BEND3: variants seen among roughly 807,000 people sequenced by gnomAD.
BEND3 encodes the protein BEN domain containing 3.
A neutral mutation model predicts 60.1 loss-of-function variants in BEND3; 13 were observed. The observed-to-expected ratio is 0.22, with a 90% CI of 0.14 to 0.34. BEND3 has a LOEUF of 0.34. BEND3 is among the 10% of genes least tolerant of loss of function. The probability of loss-of-function intolerance (pLI) is 1.00; values close to 1 mark genes in which losing one functional copy is unlikely to be tolerated. For missense variants in BEND3, 896 were observed against 1,138.1 expected, an observed-to-expected ratio of 0.79 and a Z score of 3.06; for synonymous variants, 497 against 491.5, an observed-to-expected ratio of 1.01 and a Z score of -0.15.
intron 1 of BEND3, among the ~76,000 whole-genome samples, chr6:107,102,598 G>T (rs536740465): frequency 1.3e-5 from 2 of 152,194 alleles, no homozygotes; most frequent in African/African-American, 4.8e-5. Flanking sequence ...ATAGACTAGT[G>T]ACAGATGCTA....
chr6:107,074,435 T>C (rs1775057471), intron 3 of BEND3, among the ~76,000 whole-genome samples: 1 of 152,024 alleles, frequency 6.6e-6, no homozygotes, highest in South Asian at 2.1e-4. Context: ...ACATAAAAAT[T>C]TATTATTACA....
chr6:107,096,971 C>T (rs997872690), intron 3 of BEND3, among the ~76,000 whole-genome samples: 16 of 150,966 alleles, frequency 1.1e-4, no homozygotes, highest in Non-Finnish European at 2.1e-4. Context: ...GGCGACAGAG[C>T]GAGACCCTGT....
chr6:107,093,238 A>G (rs1775512928), intron 3 of BEND3, among the ~76,000 whole-genome samples: 1 of 152,210 alleles, frequency 6.6e-6, no homozygotes, highest in Non-Finnish European at 1.5e-5. Flanking sequence ...AGGAGGGCGG[A>G]TCATGAAGCC....
rs1774906759 is a variant in BEND3 at position 107,069,339 on chromosome 6, C to T, written c.1852G>A (p.Val618Met). The T allele has an allele frequency of 6.2e-7, 1 of 1,613,384 alleles. No individual in the cohort carries two copies. The highest frequency in any genetic ancestry group is 8.5e-7 in the Non-Finnish European group (1 of 1,179,914). The part of the protein sequence containing the change: ...PSRIKLIRHY[V>M]QLLYPRAKND... Reference sequence around the variant, plus strand: ...TTGGCGCGTGGGTAGAGCAGCTGCACGTAGTGGCGGATGAGCTTGATGCGG... The same window carrying T: ...TTGGCGCGTGGGTAGAGCAGCTGCATGTAGTGGCGGATGAGCTTGATGCGG... Residue 618 changes from valine to methionine, a missense_variant, in exon 4 of 4, where the codon GTG (valine) becomes ATG (methionine). Physicochemically the swap from Val to Met is conservative, Grantham distance 21. Coordinates refer to ENST00000369042, the MANE Select transcript of BEND3 (RefSeq NM_001367314.1).
chr6:107,071,026 C>CT, intron 3 of BEND3, 76 bp from the exon 4 acceptor site: 2 of 1,365,388 alleles, frequency 1.5e-6, no homozygotes, highest in Non-Finnish European at 2.0e-6. Flanking sequence ...GTCTGTGTAG[C>CT]ACACAGAGGC....
At position 107,098,638 on chromosome 6, in the gene BEND3, C is replaced by A. The variant is rs781949644; in HGVS notation, c.153G>T (p.Leu51=). 5 of 1,614,004 alleles carry A rather than the reference C, an allele frequency of 3.1e-6. No homozygotes were observed. Among genetic ancestry groups the A allele is most frequent in the Non-Finnish European group, 4.2e-6 (5 of 1,180,032 alleles). ...GCTGCTTTCGTTTGCTGGAGTCCTG[C>A]AGGGCAGTGAGGACGCTGTCCACAG... ...KHSVDSVLTA[L]QDSSKRKQLV... Residue 51 remains leucine (L), a synonymous_variant, in exon 3 of 4, where the codon CTG becomes CTT. Coordinates refer to ENST00000369042, the MANE Select transcript of BEND3 (RefSeq NM_001367314.1).
intron 3 of BEND3, among the ~76,000 whole-genome samples, chr6:107,079,841 G>A (rs1276024739): frequency 1.3e-5 from 2 of 151,960 alleles, no homozygotes; most frequent in Admixed American, 6.6e-5. Context: ...ATAAGGTATG[G>A]AAGGCACTAT....
chr6:107,068,823 C>G lies in BEND3; in HGVS notation c.2368G>C (p.Val790Leu). ...IRHYVEAVYP[V>L]EKMEEVWHYE... The stretch of plus-strand genomic sequence containing the variant: ...TGCCACACCTCCTCCATCTTCTCCA[C>G]CGGGTAGACGGCTTCCACGTAGTGG... Residue 790 changes from valine to leucine, a missense_variant, in exon 4 of 4, where the codon GTG (valine) becomes CTG (leucine). By Grantham distance (32) the Val-to-Leu change is conservative (BLOSUM62 1). Around this residue, in one of 4 missense-constraint regions of BEND3, gnomAD observed 29 missense variants for 51.9 expected, o/e 0.56. Transcript: ENST00000369042. This position sits in a 1 kb window ranked among gnomAD's most constrained non-coding sequence, Gnocchi z 5.8. 6.2e-7 allele frequency: 1 copy of G among 1,614,144 alleles called. No individual in the cohort carries two copies. The highest frequency in any genetic ancestry group is 8.5e-7 in the Non-Finnish European group (1 of 1,180,046).
chr6:107,078,380 A>C (rs1220959212), intron 3 of BEND3, among the ~76,000 whole-genome samples: 4 of 151,678 alleles, frequency 2.6e-5, no homozygotes, highest in Admixed American at 6.6e-5. Context: ...TGCTGATTTC[A>C]TTCTGATAAA....
At chr6:107,093,613 A>G (rs1582661093) in intron 3 of BEND3, among the ~76,000 whole-genome samples, 1 of 152,252 alleles carries the variant, frequency 6.6e-6, no homozygotes, top group Non-Finnish European at 1.5e-5. Context: ...AGAACTGCAT[A>G]AAGACAGTCA....
chr6:107,095,019 T>G lies in BEND3; in HGVS notation c.240+3532A>C, dbSNP rs531871872. The stretch of plus-strand genomic sequence containing the variant: ...TGTATTTTTTGTAGAGACAAGGTTT[T>G]GCCATATTGCCCAGGCTGATCTGGA... On this transcript the variant is annotated intron_variant, in intron 3 of 3. Transcript: ENST00000369042. Among the ~76,000 whole-genome samples the G allele has an allele frequency of 2.0e-5, 3 of 151,930 alleles. No homozygotes were observed. The East Asian group carries it at 5.9e-4, about 30-fold the overall frequency.
chr6:107,113,827 C>T (rs1421126522), intron 1 of BEND3: 4 of 152,100 alleles, frequency 2.6e-5, no homozygotes, highest in Non-Finnish European at 5.9e-5. Context: ...AAGAGAAAGT[C>T]CTCCATCCCA....
At chr6:107,114,734 G>GGCGGGCGGCGGCGGCGGC (rs1324690653) in intron 1 of BEND3, among the ~76,000 whole-genome samples, 3 of 145,920 alleles carry the variant, frequency 2.1e-5, no homozygotes, top group African/African-American at 7.4e-5. Flanking sequence ...GCGCGAGTGG[G>GGCGGGCGGCGGCGGCGGC]GCGGGCGGCG....
chr6:107,084,850 G>A (rs1035897207), intron 3 of BEND3, among the ~76,000 whole-genome samples: 14 of 152,246 alleles, frequency 9.2e-5, no homozygotes, highest in African/African-American at 3.4e-4. Flanking sequence ...TCAGCGCTCT[G>A]TAAAATGGAC....
intron 3 of BEND3, among the ~76,000 whole-genome samples, chr6:107,093,556 G>A (rs945709783): frequency 8.5e-5 from 13 of 152,076 alleles, no homozygotes; most frequent in African/African-American, 3.1e-4. Flanking sequence ...GGTGGTACTG[G>A]GGCAAGAATA....
intron 3 of BEND3, among the ~76,000 whole-genome samples, chr6:107,071,199 C>T (rs1000487326): frequency 3.3e-5 from 5 of 152,204 alleles, no homozygotes; most frequent in Admixed American, 1.3e-4. Context: ...GGAGGCTTTG[C>T]GCTCTCACAG....
At chr6:107,080,214 T>C (rs1224669536) in intron 3 of BEND3, among the ~76,000 whole-genome samples, 2 of 151,750 alleles carry the variant, frequency 1.3e-5, no homozygotes, top group East Asian at 3.9e-4. Flanking sequence ...CTGGGTAACA[T>C]GGCAAACCCC....
rs1308392080 is a variant in BEND3 at position 107,066,202 on chromosome 6, T to C, written c.*2502A>G. The C allele has an allele frequency of 6.6e-6, 1 of 152,118 alleles. No individual in the cohort carries two copies. The highest frequency in any genetic ancestry group is 2.4e-5 in the African/African-American group (1 of 41,430). The allele number at this position is 152,118 out of a possible 1,614,324, so 9.4% of individuals were successfully genotyped here. On this transcript the variant is annotated 3_prime_UTR_variant, in exon 4 of 4. Coordinates refer to ENST00000369042, the MANE Select transcript of BEND3 (RefSeq NM_001367314.1). Reference sequence around the variant, plus strand: ...CAGGTTTCATGGAACACATTAAATTTTGAAAAAATAAGTATTTTGTACTTC... The same window carrying C: ...CAGGTTTCATGGAACACATTAAATTCTGAAAAAATAAGTATTTTGTACTTC...
intron 3 of BEND3, among the ~76,000 whole-genome samples, chr6:107,078,557 C>T (rs1554233049): frequency 2.6e-4 from 3 of 11,510 alleles, no homozygotes; most frequent in African/African-American, 3.6e-4. Flanking sequence ...TGGGTTCATG[C>T]CATTCTCCTG....
Sources: gnomAD v4.1 joint callset for allele counts (sites outside exome capture counted in the v4.1 genomes callset) on GRCh38, gnomAD v4.1.1 for gene constraint, gnomAD v4.1.1 regional missense constraint, Gnocchi (gnomAD v3.1) non-coding constraint, MANE v1.5 for transcripts, NCBI Gene and HGNC (gene_info 2026-07-23, HGNC 2026-07-21) for gene names.